The following SAXO1 variants were observed in gnomAD, a reference collection of about 807,000 sequenced individuals.
SAXO1 encodes 4930500O09Rik.
In SAXO1, 21 loss-of-function variants were observed where a neutral mutation model predicts 17.5. The ratio of observed to expected loss-of-function variants is 1.20; its 90% CI spans 0.85 to 1.72. The LOEUF (loss-of-function observed/expected upper bound fraction) is 1.72. Ranked by LOEUF, SAXO1 falls within the 40% of genes most tolerant of loss-of-function variation. SAXO1 has a pLI of 0.00. For missense variants in SAXO1, 843 were observed against 596.0 expected (o/e 1.41, Z -4.32); for synonymous variants, 274 against 216.5 (o/e 1.27, Z -2.33).
At chr9:18,948,605 G>A (rs1366782081) in intron 2 of SAXO1, among the ~76,000 whole-genome samples, 1 of 152,114 alleles carries the variant, frequency 6.6e-6, no homozygotes, top group Non-Finnish European at 1.5e-5. Context: ...CAGGTCAGAG[G>A]GTAAGTTTTT....
intron 1 of SAXO1, among the ~76,000 whole-genome samples, chr9:19,008,944 C>T (rs1320707977): frequency 2.0e-5 from 3 of 152,320 alleles, no homozygotes; most frequent in Non-Finnish European, 4.4e-5. Flanking sequence ...CATTAATCAC[C>T]AAATTGAAAG....
intron 1 of SAXO1, chr9:19,028,161 C>T (rs918129930): frequency 2.8e-6 from 4 of 1,439,210 alleles, no homozygotes; most frequent in Admixed American, 1.7e-5. Flanking sequence ...CCCGGACTCG[C>T]GGCTGAAGTG....
At chr9:18,978,019 A>G (rs900452691) in intron 1 of SAXO1, among the ~76,000 whole-genome samples, 1 of 114,718 alleles carries the variant, frequency 8.7e-6, no homozygotes, top group Non-Finnish European at 1.9e-5. Context: ...AAAAAAAAAA[A>G]AAAAAGTCCA....
At chr9:19,032,741 C>A in intron 1 of SAXO1, 130 bp downstream of exon 1, 1 of 986,868 alleles carries the variant, frequency 1.0e-6, no homozygotes, top group Non-Finnish European at 1.5e-6. Flanking sequence ...ACAATTGTGG[C>A]TTAAAAAACG....
At chr9:19,001,968 G>A (rs1248570393) in intron 1 of SAXO1, among the ~76,000 whole-genome samples, 1 of 151,876 alleles carries the variant, frequency 6.6e-6, no homozygotes, top group African/African-American at 2.4e-5. Flanking sequence ...CTGGTTTTTT[G>A]GAAAGATCAA....
rs1000791438 is a variant in SAXO1, at chr9:18,956,663, C to A, written c.39-5726G>T. ...CTCCTCCGAACTTCAATCTTCTCCT[C>A]TTTAATCTGCAGATAACAATTTCTA... On this transcript the variant is annotated intron_variant, in intron 1 of 3. Transcript: ENST00000380534. Among the ~76,000 whole-genome samples, 42 of 152,326 alleles carry A rather than the reference C, an allele frequency of 2.8e-4. 1 individual carries two copies. Among genetic ancestry groups the A allele is most frequent in the Admixed American group, 1.3e-3 (20 of 15,298 alleles).
intron 1 of SAXO1, among the ~76,000 whole-genome samples, chr9:18,955,940 T>TA (rs774704486): frequency 9.2e-3 from 57 of 6,182 alleles, no homozygotes; most frequent in Non-Finnish European, 0.02. Context: ...ACTTTTAAAC[T>TA]TTTTTTTTTG....
intron 1 of SAXO1, among the ~76,000 whole-genome samples, chr9:19,015,434 C>T (rs1834931974): frequency 6.6e-6 from 1 of 152,170 alleles, no homozygotes; most frequent in African/African-American, 2.4e-5. Context: ...AGCTCCGCCT[C>T]CCGGATTCAA....
intron 1 of SAXO1, among the ~76,000 whole-genome samples, chr9:19,014,675 T>C (rs1834895063): frequency 6.6e-6 from 1 of 152,234 alleles, no homozygotes; most frequent in Middle Eastern, 3.4e-3. Flanking sequence ...TCTTCTTTCA[T>C]AGATTTAAGA....
chr9:18,994,272 G>C (rs947937996), intron 1 of SAXO1, among the ~76,000 whole-genome samples: 1 of 152,100 alleles, frequency 6.6e-6, no homozygotes, highest in African/African-American at 2.4e-5. Context: ...TCTCCCTTAA[G>C]CCACTGAAAC....
intron 1 of SAXO1, among the ~76,000 whole-genome samples, chr9:18,961,488 TG>T (rs1441967689): frequency 1.3e-5 from 2 of 152,252 alleles, no homozygotes; most frequent in African/African-American, 4.8e-5. Flanking sequence ...TCCCTCCCCT[TG>T]CCCCCACCCC....
chr9:18,950,523 A>C (rs1831989176), intron 2 of SAXO1, among the ~76,000 whole-genome samples: 1 of 152,158 alleles, frequency 6.6e-6, no homozygotes, highest in Non-Finnish European at 1.5e-5. Flanking sequence ...CCCACCCTTT[A>C]CTTCAGCAAG....
At chr9:18,950,149 T>A (rs1831970714) in intron 2 of SAXO1, among the ~76,000 whole-genome samples, 2 of 152,198 alleles carry the variant, frequency 1.3e-5, no homozygotes, top group Non-Finnish European at 2.9e-5. Context: ...AACGCTAATA[T>A]ACTGAACCAT....
chr9:18,994,853 TCTGACAGG>T (rs1833942653), intron 1 of SAXO1, among the ~76,000 whole-genome samples: 2 of 152,344 alleles, frequency 1.3e-5, no homozygotes, highest in South Asian at 4.1e-4. Flanking sequence ...GGCCTCAGGA[TCTGACAGG>T]CTGCCAGCAT....
chr9:19,014,122 G>A (rs1404352477), intron 1 of SAXO1, among the ~76,000 whole-genome samples: 1 of 152,072 alleles, frequency 6.6e-6, no homozygotes, highest in African/African-American at 2.4e-5. Flanking sequence ...TTGATTAAGG[G>A]TAGAATTTGT....
chr9:19,031,525 C>T (rs1342156759), intron 1 of SAXO1, among the ~76,000 whole-genome samples: 1 of 152,234 alleles, frequency 6.6e-6, no homozygotes, highest in Non-Finnish European at 1.5e-5. Context: ...GGCACCACTG[C>T]ACTCCAGCCT....
At position 19,045,316 on chromosome 9, in the gene SAXO1, C is replaced by CA. The variant is rs575855900; in HGVS notation, c.-158+3892dup. Among the ~76,000 whole-genome samples the CA allele has an allele frequency of 5.6e-3, 499 of 89,294 alleles. 34 individuals are homozygous for CA. The highest frequency in any genetic ancestry group is 0.042 in the East Asian group (79 of 1,896). The allele number at this position is 89,294 out of a possible 152,430, so 58.6% of individuals were successfully genotyped here. ...TGGGCGACAGAGCGAGACTCCGTCT[C>CA]AAAAAAAAAAAAAAAAAAAAAAAAA... On this transcript the variant is annotated intron_variant, in intron 1 of 3. Transcript: ENST00000542071.
In SAXO1 at chr9:19,046,082, CAA is replaced by C. The variant is rs57919139; in HGVS notation, c.-158+3125_-158+3126del. Among the ~76,000 whole-genome samples, 20 of 55,404 alleles carry C rather than the reference CAA, an allele frequency of 3.6e-4. No individual in the cohort carries two copies. The South Asian group carries it at 0.01, about 29-fold the overall frequency. 36.3% of individuals were successfully genotyped at this position (55,404 alleles called of 152,430 possible). A position where few individuals can be genotyped will look rare whatever the true frequency, so the allele number is the denominator to read the frequency against. On this transcript the variant is annotated intron_variant, in intron 1 of 3. Transcript: ENST00000542071. ...GGGCAACAAGAATGAAACTCCGTCT[CAA>C]AAAAAAAAAAAAAAAAAAAGGAGAA...
chr9:18,962,159 C>G (rs113332773), intron 1 of SAXO1, among the ~76,000 whole-genome samples: 5,147 of 152,262 alleles, frequency 0.034, 261 homozygotes, highest in African/African-American at 0.11. Context: ...CCTCCACCTC[C>G]TAGGTTCAAG....
Sources: allele counts gnomAD v4.1 joint callset (sites outside exome capture counted in the v4.1 genomes callset), GRCh38; gene constraint gnomAD v4.1.1; transcripts MANE v1.5; gene names NCBI Gene and HGNC (gene_info 2026-07-23, HGNC 2026-07-21).